HIPK2: variants seen among roughly 807,000 people sequenced by gnomAD.
HIPK2 encodes the protein homeodomain interacting protein kinase 2, also known as homeodomain-interacting protein kinase 2.
A neutral mutation model predicts 113.7 loss-of-function variants in HIPK2; 27 were observed. The ratio of observed to expected loss-of-function variants is 0.24; its 90% CI spans 0.17 to 0.33. The LOEUF is 0.33. Among genes scored for constraint, HIPK2 ranks in the 10% least tolerant of loss-of-function variants. HIPK2 has a pLI of 1.00. For missense variants in HIPK2, 1,257 were observed against 1,588.0 expected (o/e 0.79, Z 3.54); for synonymous variants, 631 against 642.2 (o/e 0.98, Z 0.26).
chr7:139,639,939 G>A (rs753495545), intron 2 of HIPK2, among the ~76,000 whole-genome samples: 2 of 152,060 alleles, frequency 1.3e-5, no homozygotes, highest in Non-Finnish European at 1.5e-5. Context: ...CTTCCACAGG[G>A]GCTGTTCCTG....
Position 139,620,505 on chromosome 7 carries a change from T to C in HIPK2, c.1678A>G (p.Thr560Ala). ...AAAGGGGTTTTGCTCTGGTTCACCG[T>C]GTCATACATATTCACCCGACGCTTG... ...ICKRRVNMYD[T>A]VNQSKTPFIT... is the part of the protein sequence containing the mutation. Residue 560 changes from threonine to alanine, a missense_variant, in exon 7 of 15, where the codon ACG (threonine) becomes GCG (alanine). Thr to Ala is a moderately conservative substitution (Grantham distance 58). Around this residue, in one of 5 missense-constraint regions of HIPK2, gnomAD observed 862 missense variants for 1,004.3 expected, o/e 0.86. Coordinates refer to ENST00000406875, the MANE Select transcript of HIPK2 (RefSeq NM_022740.5). The C allele has an allele frequency of 1.2e-6, 2 of 1,614,134 alleles. No individual in the cohort carries two copies. The highest frequency in any genetic ancestry group is 1.7e-6 in the Non-Finnish European group (2 of 1,180,028).
intron 2 of HIPK2, among the ~76,000 whole-genome samples, chr7:139,669,805 GT>G (rs1283416610): frequency 2.0e-5 from 3 of 152,132 alleles, no homozygotes; most frequent in Non-Finnish European, 4.4e-5. Flanking sequence ...TGTGAGTGTG[GT>G]TTTTTTAGGA....
Position 139,631,546 on chromosome 7 carries a change from G to A in HIPK2, c.1227+56C>T. On this transcript the variant is annotated intron_variant, in intron 3 of 14. Transcript: ENST00000406875. This position sits in a 1 kb window ranked among gnomAD's most constrained non-coding sequence, Gnocchi z 4.9. ...TGTAATCAATGAAATGCTAATCCAG[G>A]CTATTTTCCAGATGAAGAATGAGGT... is the stretch of plus-strand genomic sequence containing the variant. 7.5e-6 allele frequency: 12 copies of A among 1,590,824 alleles called. No homozygotes were observed. Among genetic ancestry groups the A allele is most frequent in the Non-Finnish European group, 9.4e-6 (11 of 1,167,252 alleles).
At position 139,665,804 on chromosome 7, in the gene HIPK2, T is replaced by C. The variant is rs1314829053; in HGVS notation, c.1104-34079A>G. The stretch of plus-strand genomic sequence containing the variant: ...AGCTAATCTGACCCAGATGCTCATT[T>C]GTTCAAGGTCCTTCAGCATTCAGTT... On this transcript the variant is annotated intron_variant, in intron 2 of 14. Transcript: ENST00000406875. Among the ~76,000 whole-genome samples, 4 of 152,266 alleles carry C rather than the reference T, an allele frequency of 2.6e-5. No homozygotes were observed. The East Asian group carries it at 7.7e-4, about 29-fold the overall frequency.
At chr7:139,689,910 G>C (rs1358243950) in intron 2 of HIPK2, among the ~76,000 whole-genome samples, 8 of 152,166 alleles carry the variant, frequency 5.3e-5, no homozygotes, top group African/African-American at 1.9e-4. Context: ...GCCTCAGGCA[G>C]CCTGTGAGGG....
At chr7:139,747,716 C>A (rs1055682206) in intron 1 of HIPK2, among the ~76,000 whole-genome samples, 6 of 152,280 alleles carry the variant, frequency 3.9e-5, no homozygotes, top group Non-Finnish European at 8.8e-5. Context: ...CCCCAGCCCT[C>A]CTGTGGCCTC....
rs757642518 is a variant in HIPK2 at position 139,596,922 on chromosome 7, T to C, written c.2512A>G (p.Thr838Ala). The C allele has an allele frequency of 1.2e-6, 2 of 1,613,026 alleles. No homozygotes were observed. The highest frequency in any genetic ancestry group is 2.7e-5 in the African/African-American group (2 of 74,892). Residue 838 changes from threonine (T) to alanine (A), a missense_variant, in exon 12 of 15, where the codon ACA becomes GCA. Around this residue, in one of 5 missense-constraint regions of HIPK2, gnomAD observed 862 missense variants for 1,004.3 expected, o/e 0.86. Coordinates refer to ENST00000406875, the MANE Select transcript of HIPK2 (RefSeq NM_022740.5). ...PQRSKRVKENTPPRCAMVHSS... is the reference protein window; with the variant it reads ...PQRSKRVKENAPPRCAMVHSS... ...TGCACCATGGCACAGCGGGGAGGTG[T>C]GTTCTCCTTGACACGCTTGGATCGC...
chr7:139,681,019 T>A (rs1802681747), intron 2 of HIPK2, among the ~76,000 whole-genome samples: 1 of 152,128 alleles, frequency 6.6e-6, no homozygotes, highest in South Asian at 2.1e-4. Context: ...TGGCGCTGAG[T>A]CACTCCATGA....
intron 2 of HIPK2, among the ~76,000 whole-genome samples, chr7:139,681,083 G>A (rs575156557): frequency 3.3e-5 from 5 of 152,266 alleles, no homozygotes; most frequent in Middle Eastern, 3.4e-3. Context: ...TGAGGGAGCC[G>A]GTAACACATC....
intron 1 of HIPK2, among the ~76,000 whole-genome samples, chr7:139,754,796 G>C (rs1473311509): frequency 1.3e-5 from 2 of 152,140 alleles, no homozygotes; most frequent in East Asian, 3.8e-4. Context: ...GGGGAGAGAA[G>C]GAGAGACGAT....
At chr7:139,681,277 C>T (rs1191283245) in intron 2 of HIPK2, among the ~76,000 whole-genome samples, 27 of 152,160 alleles carry the variant, frequency 1.8e-4, no homozygotes, top group Admixed American at 1.8e-3. Flanking sequence ...ATAACAGAAG[C>T]ATGCTGCCGT....
chr7:139,641,116 G>T (rs1801000585), intron 2 of HIPK2, among the ~76,000 whole-genome samples: 1 of 152,214 alleles, frequency 6.6e-6, no homozygotes, highest in African/African-American at 2.4e-5. Flanking sequence ...TGTAATCCCA[G>T]TACTTTGGGA....
chr7:139,702,009 C>T (rs1421879832), intron 2 of HIPK2, among the ~76,000 whole-genome samples: 1 of 152,130 alleles, frequency 6.6e-6, no homozygotes, highest in African/African-American at 2.4e-5. Context: ...GGTTAGGGAT[C>T]TGGACGTGGG....
At chr7:139,662,699 AACCTCC>A (rs1316470380) in intron 2 of HIPK2, among the ~76,000 whole-genome samples, 2 of 148,044 alleles carry the variant, frequency 1.4e-5, no homozygotes, top group African/African-American at 5.0e-5. Flanking sequence ...GGCTCACTGC[AACCTCC>A]ACCTCCTGGG....
chr7:139,721,377 G>C (rs1795403081), intron 1 of HIPK2, among the ~76,000 whole-genome samples: 1 of 152,158 alleles, frequency 6.6e-6, no homozygotes, highest in Admixed American at 6.5e-5. Flanking sequence ...TTCTCCTTGA[G>C]AGTATTTCTC....
intron 13 of HIPK2, among the ~76,000 whole-genome samples, chr7:139,583,111 C>T (rs1356015254): frequency 2.0e-5 from 3 of 152,212 alleles, no homozygotes; most frequent in Admixed American, 6.5e-5. Context: ...AATAGCGGGA[C>T]GCGCAGACTT....
intron 2 of HIPK2, among the ~76,000 whole-genome samples, chr7:139,652,296 C>G (rs1042542459): frequency 1.3e-5 from 2 of 152,182 alleles, no homozygotes; most frequent in Admixed American, 6.5e-5. Context: ...AGACGCTGCT[C>G]ACGAGTGGCT....
chr7:139,623,516 T>TAAAAAAAAA (rs1569456906), intron 6 of HIPK2, among the ~76,000 whole-genome samples: 1 of 81,814 alleles, frequency 1.2e-5, no homozygotes, highest in African/African-American at 6.6e-5. Flanking sequence ...AGACTCTACT[T>TAAAAAAAAA]CAAAAAAAAA....
At chr7:139,573,580 G>A (rs1055176118) in intron 14 of HIPK2, among the ~76,000 whole-genome samples, 183 bp from the exon 15 acceptor site, 4 of 152,148 alleles carry the variant, frequency 2.6e-5, no homozygotes, top group Admixed American at 6.5e-5. Context: ...AGTGGCTCAC[G>A]CCTGTAATCT....
Sources: gnomAD v4.1 joint callset for allele counts (sites outside exome capture counted in the v4.1 genomes callset) on GRCh38, gnomAD v4.1.1 for gene constraint, gnomAD v4.1.1 regional missense constraint, Gnocchi (gnomAD v3.1) non-coding constraint, MANE v1.5 for transcripts, NCBI Gene and HGNC (gene_info 2026-07-23, HGNC 2026-07-21) for gene names.